Variants in TNN observed in about 807,000 individuals in gnomAD.
TNN encodes the protein tenascin N, also known as tenascin-N.
In TNN, 122 loss-of-function variants were observed where a neutral mutation model predicts 134.4. The observed-to-expected ratio is 0.91, with a 90% confidence interval of 0.78 to 1.06. The LOEUF (loss-of-function observed/expected upper bound fraction) is 1.06. TNN is among the 50% of genes least tolerant of loss of function. TNN has a pLI of 0.00. For synonymous variants in TNN, 710 were observed against 670.3 expected (o/e 1.06, Z -0.91); for missense variants, 1,739 against 1,699.4 (o/e 1.02, Z -0.41).
rs370163267 is a variant in TNN, at chr1:175,079,426, G to C, written c.503G>C (p.Arg168Pro). The change falls in exon 3 of 19, where the codon CGG becomes CCG. Residue 168 changes from arginine (R) to proline (P), a missense_variant. Physicochemically the swap from Arg to Pro is moderately radical, Grantham distance 103. Coordinates refer to ENST00000239462, the MANE Select transcript of TNN (RefSeq NM_022093.2). ...EEGREGPACE[R>P]LACPGACSGH... ...GGCAGGGAGGGCCCCGCCTGCGAGC[G>C]GCTGGCCTGCCCCGGGGCGTGCAGC... 1.9e-4 allele frequency: 298 copies of C among 1,586,742 alleles called. 1 individual carries two copies. In the African/African-American group the frequency reaches 3.7e-3, roughly 20 times the overall value.
chr1:175,079,443 G>A lies in TNN; in HGVS notation c.520G>A (p.Ala174Thr), dbSNP rs1269786732. The change falls in exon 3 of 19, where the codon GCG becomes ACG. Residue 174 changes from alanine to threonine, a missense_variant. Coordinates refer to ENST00000239462, the MANE Select transcript of TNN (RefSeq NM_022093.2). ...CTGCGAGCGGCTGGCCTGCCCCGGG[G>A]CGTGCAGCGGCCACGGGCGTTGCGT... The part of the protein sequence containing the change: ...PACERLACPG[A>T]CSGHGRCVDG... 1.9e-6 allele frequency: 3 copies of A among 1,577,420 alleles called. No homozygotes were observed. The highest frequency in any genetic ancestry group is 1.8e-5 in the Admixed American group (1 of 55,608).
At chr1:175,074,668 T>C (rs971269645) in intron 1 of TNN, among the ~76,000 whole-genome samples, 7 of 152,258 alleles carry the variant, frequency 4.6e-5, no homozygotes, top group South Asian at 2.1e-4. Flanking sequence ...CAATACATGC[T>C]TTTGGTGATA....
At position 175,118,819 on chromosome 1, in the gene TNN, A is replaced by G; in HGVS notation, c.2645A>G (p.Gln882Arg). 1 of 1,614,206 alleles carries G rather than the reference A, an allele frequency of 6.2e-7. No individual in the cohort carries two copies. The highest frequency in any genetic ancestry group is 1.7e-5 in the Admixed American group (1 of 60,020). Residue 882 changes from glutamine to arginine, a missense_variant, in exon 11 of 19, where the codon CAG becomes CGG. Transcript: ENST00000239462. The part of the protein sequence containing the change: ...QESKKADTKA[Q>R]TEIDGPKNLV... ...AGCAAGAAGGCTGACACCAAGGCCC[A>G]GACAGGTAATAGAAGTGAAGAGAAG...
chr1:175,110,930 T>C (rs1179401701), intron 9 of TNN, among the ~76,000 whole-genome samples: 1 of 152,038 alleles, frequency 6.6e-6, no homozygotes, highest in Non-Finnish European at 1.5e-5. Context: ...ATCCCAGCAC[T>C]TTGGGAGGTC....
intron 9 of TNN, among the ~76,000 whole-genome samples, chr1:175,110,083 G>C (rs1674981821): frequency 6.6e-6 from 1 of 152,108 alleles, no homozygotes. Flanking sequence ...ATGTGATTTT[G>C]ATTTGCATTT....
In TNN at chr1:175,128,614, C is replaced by T. The variant is rs1276190901; in HGVS notation, c.3198C>T (p.His1066=). Residue 1066 remains histidine (H), a synonymous_variant, in exon 15 of 19, where the codon CAC becomes CAT. Coordinates refer to ENST00000239462, the MANE Select transcript of TNN (RefSeq NM_022093.2). The part of the protein sequence containing the change: ...TLSTVGARFP[H]PSDCSQVQQN... ...TCCCAGTTGGTGCCCGTTTCCCACA[C>T]CCTTCGGACTGCAGTCAGGTTCAGC... 1.2e-6 allele frequency: 2 copies of T among 1,612,442 alleles called. No homozygotes were observed. The highest frequency in any genetic ancestry group is 3.3e-5 in the Admixed American group (2 of 59,836).
At chr1:175,138,735 G>T (rs536286841) in intron 17 of TNN, among the ~76,000 whole-genome samples, 1 of 152,318 alleles carries the variant, frequency 6.6e-6, no homozygotes, top group Admixed American at 6.5e-5. Flanking sequence ...GTATAACATA[G>T]TCATGCATTG....
intron 17 of TNN, among the ~76,000 whole-genome samples, chr1:175,142,233 G>A (rs60694086): frequency 0.062 from 9,366 of 152,230 alleles, 524 homozygotes; most frequent in African/African-American, 0.15. Flanking sequence ...AGTGGCCTCC[G>A]TGGCCCCAGA....
At chr1:175,127,783 G>A (rs1028349519) in intron 13 of TNN, among the ~76,000 whole-genome samples, 1 of 152,202 alleles carries the variant, frequency 6.6e-6, no homozygotes, top group South Asian at 2.1e-4. Context: ...CGGTGATCCT[G>A]AAGCTGCAGT....
chr1:175,135,915 G>C lies in TNN; in HGVS notation c.3401G>C (p.Gly1134Ala). The C allele has an allele frequency of 6.2e-7, 1 of 1,613,638 alleles. No homozygotes were observed. Among genetic ancestry groups the C allele is most frequent in the Non-Finnish European group, 8.5e-7 (1 of 1,179,728 alleles). The change falls in exon 16 of 19, where the codon GGG becomes GCG. Residue 1134 changes from glycine (G) to alanine (A), a missense_variant. By Grantham distance (60) the Gly-to-Ala change is moderately conservative. Coordinates refer to ENST00000239462, the MANE Select transcript of TNN (RefSeq NM_022093.2). ...TGGAGGAGCTATGTGGAAGGCTTTGGGGACCCCATGAAGGAGTTCTGGCTT... is the reference window on the plus strand; with the variant it reads ...TGGAGGAGCTATGTGGAAGGCTTTGCGGACCCCATGAAGGAGTTCTGGCTT... ...KRWRSYVEGF[G>A]DPMKEFWLGL...
At chr1:175,121,533 C>G (rs569735784) in intron 11 of TNN, among the ~76,000 whole-genome samples, 30 of 152,266 alleles carry the variant, frequency 2.0e-4, no homozygotes, top group African/African-American at 7.2e-4. Context: ...AAAACATTTT[C>G]CAGGCCACAG....
chr1:175,126,359 C>T (rs541273652), intron 12 of TNN, among the ~76,000 whole-genome samples: 17 of 152,246 alleles, frequency 1.1e-4, no homozygotes, highest in African/African-American at 2.4e-4. Flanking sequence ...CTTGGCCTCC[C>T]GAAGTGCTGG....
intron 15 of TNN, among the ~76,000 whole-genome samples, chr1:175,130,098 C>T (rs1360173324): frequency 5.9e-5 from 9 of 152,204 alleles, no homozygotes; most frequent in Non-Finnish European, 1.3e-4. Context: ...CCCCTTGCCC[C>T]TTTTCTCCCT....
chr1:175,142,224 G>A (rs1030715671), intron 17 of TNN, among the ~76,000 whole-genome samples: 3 of 152,214 alleles, frequency 2.0e-5, no homozygotes, highest in African/African-American at 7.2e-5. Flanking sequence ...TTGCGTGGAA[G>A]TGGCCTCCGT....
intron 18 of TNN, among the ~76,000 whole-genome samples, chr1:175,146,610 C>T (rs910283019): frequency 3.3e-5 from 5 of 152,060 alleles, no homozygotes; most frequent in Non-Finnish European, 4.4e-5. Context: ...CCCGGTTGAC[C>T]CCTGTGTTGT....
chr1:175,099,446 G>T (rs1674660556), intron 9 of TNN, among the ~76,000 whole-genome samples: 1 of 151,558 alleles, frequency 6.6e-6, no homozygotes, highest in Admixed American at 6.6e-5. Context: ...AGAAGTGAGG[G>T]GTCAGTAAGG....
At position 175,147,356 on chromosome 1, in the gene TNN, G is replaced by A; in HGVS notation, c.*285G>A. 2 of 293,212 alleles carry A rather than the reference G, an allele frequency of 6.8e-6. No homozygotes were observed. Among genetic ancestry groups the A allele is most frequent in the Non-Finnish European group, 1.2e-5 (2 of 160,202 alleles). The allele number at this position is 293,212 out of a possible 1,614,324, so 18.2% of individuals were successfully genotyped here. On this transcript the variant is annotated 3_prime_UTR_variant, in exon 19 of 19. Transcript: ENST00000239462. The stretch of plus-strand genomic sequence containing the variant: ...TCAGCAACATATATACTGGATTAGG[G>A]CAAGAGAAGGAATCACCCAGCACTT...
chr1:175,076,702 G>A (rs954796591), intron 1 of TNN, among the ~76,000 whole-genome samples: 7 of 152,174 alleles, frequency 4.6e-5, no homozygotes, highest in African/African-American at 7.2e-5. Context: ...CTTCCTGGCC[G>A]TGGGACTCAG....
chr1:175,099,811 C>G (rs572292910), intron 9 of TNN, among the ~76,000 whole-genome samples: 1 of 152,262 alleles, frequency 6.6e-6, no homozygotes, highest in South Asian at 2.1e-4. Context: ...TCATGAAGCA[C>G]TTCTGTGCTC....
Sources: allele counts gnomAD v4.1 joint callset (sites outside exome capture counted in the v4.1 genomes callset), GRCh38; gene constraint gnomAD v4.1.1; transcripts MANE v1.5; gene names NCBI Gene and HGNC (gene_info 2026-07-23, HGNC 2026-07-21).